ZNF608: variants seen among roughly 807,000 people sequenced by gnomAD.
ZNF608 encodes renal carcinoma antigen NY-REN-36.
A neutral mutation model predicts 109.0 loss-of-function variants in ZNF608; 12 were observed. The ratio of observed to expected loss-of-function variants is 0.11; its 90% CI spans 0.07 to 0.18. The LOEUF (loss-of-function observed/expected upper bound fraction) is 0.18, where lower values mean the gene tolerates loss of function less well. Ranked by LOEUF, ZNF608 falls within the 10% of genes least tolerant of loss-of-function variation. The pLI, the probability that ZNF608 is intolerant of heterozygous loss-of-function variation, is 1.00. For missense variants in ZNF608, 1,707 were observed against 1,879.3 expected (o/e 0.91, Z 1.70); for synonymous variants, 732 against 717.4 (o/e 1.02, Z -0.33).
intron 3 of ZNF608, among the ~76,000 whole-genome samples, chr5:124,663,865 G>A (rs192633175): frequency 3.1e-3 from 478 of 152,144 alleles, no homozygotes; most frequent in African/African-American, 0.011. Flanking sequence ...CTCCTGGTGC[G>A]GCCGATTACA....
At chr5:124,724,839 C>T (rs979194889) in intron 2 of ZNF608, among the ~76,000 whole-genome samples, 3 of 152,084 alleles carry the variant, frequency 2.0e-5, no homozygotes, top group Admixed American at 1.3e-4. Flanking sequence ...AATCAAAAGC[C>T]AGAGGTTAAG....
At chr5:124,688,426 T>C (rs544296148) in intron 3 of ZNF608, among the ~76,000 whole-genome samples, 2 of 152,312 alleles carry the variant, frequency 1.3e-5, no homozygotes, top group Admixed American at 1.3e-4. Context: ...GATATGAACA[T>C]TGAGAGCTAT....
intron 2 of ZNF608, chr5:124,734,479 G>A (rs928044320): frequency 2.0e-5 from 3 of 152,168 alleles, no homozygotes; most frequent in Non-Finnish European, 4.4e-5. Flanking sequence ...GAACCACCCC[G>A]AAGCCCAGAA....
At chr5:124,725,937 GA>G (rs1164933941) in intron 2 of ZNF608, among the ~76,000 whole-genome samples, 1 of 152,078 alleles carries the variant, frequency 6.6e-6, no homozygotes, top group Non-Finnish European at 1.5e-5. Context: ...GCCCCTTATA[GA>G]AAAGGGTGCT....
intron 2 of ZNF608, among the ~76,000 whole-genome samples, chr5:124,714,128 T>G (rs1309023012): frequency 6.6e-6 from 1 of 151,434 alleles, no homozygotes; most frequent in Non-Finnish European, 1.5e-5. Flanking sequence ...AGAAGTAAAC[T>G]TTTTTAAAAA....
chr5:124,649,825 G>A, intron 3 of ZNF608, 128 bp from the exon 4 acceptor site: 1 of 574,752 alleles, frequency 1.7e-6, no homozygotes, highest in South Asian at 2.8e-5. Context: ...AAAAGCTGTG[G>A]TTTGCATTCT....
intron 2 of ZNF608, among the ~76,000 whole-genome samples, chr5:124,736,585 A>C (rs1489312635): frequency 6.6e-6 from 1 of 152,214 alleles, no homozygotes; most frequent in South Asian, 2.1e-4. Context: ...AGTTTAAAAA[A>C]AAAAAAGTAC....
At chr5:124,719,292 G>A (rs1214493487) in intron 2 of ZNF608, among the ~76,000 whole-genome samples, 1 of 152,212 alleles carries the variant, frequency 6.6e-6, no homozygotes, top group Non-Finnish European at 1.5e-5. Flanking sequence ...ACACACCAGT[G>A]AGGATTGCTA....
intron 3 of ZNF608, among the ~76,000 whole-genome samples, chr5:124,690,954 C>CACACACACAA (rs10666145): frequency 0.04 from 6,069 of 150,766 alleles, 254 homozygotes; most frequent in African/African-American, 0.1. Context: ...CACACACACA[C>CACACACACAA]ATAATGGAAA....
At chr5:124,721,932 ACT>A (rs1753924201) in intron 2 of ZNF608, among the ~76,000 whole-genome samples, 1 of 121,280 alleles carries the variant, frequency 8.2e-6, no homozygotes, top group Non-Finnish European at 1.6e-5. Context: ...ACAGAATGAG[ACT>A]CTGTCTCAAA....
intron 3 of ZNF608, among the ~76,000 whole-genome samples, chr5:124,683,166 G>A (rs1025083503): frequency 6.6e-6 from 1 of 152,138 alleles, no homozygotes; most frequent in African/African-American, 2.4e-5. Flanking sequence ...ACCATGTAAG[G>A]AAGCTTAGAA....
chr5:124,717,656 G>C (rs1168087136), intron 2 of ZNF608, among the ~76,000 whole-genome samples: 1 of 152,112 alleles, frequency 6.6e-6, no homozygotes, highest in Non-Finnish European at 1.5e-5. Flanking sequence ...AATAAAATGA[G>C]CTTAGATATC....
intron 6 of ZNF608, 44 bp from the exon 7 acceptor site, chr5:124,643,727 C>A: frequency 6.3e-7 from 1 of 1,587,272 alleles, no homozygotes; most frequent in Non-Finnish European, 8.6e-7. Flanking sequence ...CAGGCTATAT[C>A]TTTAAAAAAA....
At chr5:124,741,349 C>T (rs992827044) in intron 2 of ZNF608, among the ~76,000 whole-genome samples, 3 of 143,486 alleles carry the variant, frequency 2.1e-5, no homozygotes, top group African/African-American at 7.8e-5. Context: ...TGAAAATTAA[C>T]CGGTGACAGC....
chr5:124,696,943 C>T (rs1010846230), intron 3 of ZNF608, among the ~76,000 whole-genome samples: 13 of 151,948 alleles, frequency 8.6e-5, no homozygotes, highest in Admixed American at 8.5e-4. Flanking sequence ...ACACCAATAC[C>T]AAACCAGACC....
intron 2 of ZNF608, among the ~76,000 whole-genome samples, chr5:124,738,559 G>A (rs1050513552): frequency 1.1e-4 from 17 of 152,144 alleles, no homozygotes; most frequent in Admixed American, 3.9e-4. Flanking sequence ...TGTGTTCAAT[G>A]TGGCAATTAT....
chr5:124,712,207 G>T (rs1004947572), intron 2 of ZNF608, among the ~76,000 whole-genome samples: 2 of 152,060 alleles, frequency 1.3e-5, no homozygotes, highest in Admixed American at 1.3e-4. Flanking sequence ...GTGGTGGGGT[G>T]GGGGGATAGG....
chr5:124,643,201 C>T (rs1043288747), intron 7 of ZNF608, among the ~76,000 whole-genome samples: 1 of 152,118 alleles, frequency 6.6e-6, no homozygotes, highest in African/African-American at 2.4e-5. Context: ...TCTTATCAAA[C>T]ATATTTTGCA....
intron 3 of ZNF608, among the ~76,000 whole-genome samples, chr5:124,682,083 CTTTTT>C (rs995104664): frequency 6.6e-6 from 1 of 152,026 alleles, no homozygotes; most frequent in Non-Finnish European, 1.5e-5. Context: ...CTTTTCTTTT[CTTTTT>C]TGAGATGGAG....
Sources: gnomAD v4.1 joint callset for allele counts (sites outside exome capture counted in the v4.1 genomes callset) on GRCh38, gnomAD v4.1.1 for gene constraint, MANE v1.5 for transcripts, NCBI Gene and HGNC (gene_info 2026-07-23, HGNC 2026-07-21) for gene names.